The following CCDC138 variants were observed in gnomAD, a reference collection of about 807,000 sequenced individuals.
CCDC138 encodes coiled-coil domain-containing protein 138.
Under a neutral mutation model 82.3 loss-of-function variants are expected in CCDC138, and 66 were observed. The observed-to-expected ratio is 0.80, with a 90% CI of 0.66 to 0.98. The LOEUF (loss-of-function observed/expected upper bound fraction) is 0.98, where lower values mean the gene tolerates loss of function less well. CCDC138 is among the 50% of genes least tolerant of loss of function. CCDC138 has a pLI of 0.00. For synonymous variants in CCDC138, 297 were observed against 265.4 expected, an observed-to-expected ratio of 1.12 and a Z score of -1.16; for missense variants, 816 against 758.9, an observed-to-expected ratio of 1.08 and a Z score of -0.88.
intron 13 of CCDC138, among the ~76,000 whole-genome samples, chr2:108,862,082 T>TG (rs1351490027): frequency 6.6e-6 from 1 of 151,280 alleles, no homozygotes; most frequent in African/African-American, 2.4e-5. Context: ...TTTCAGTTTT[T>TG]TTTTTTTTTA....
intron 10 of CCDC138, 48 bp from the exon 11 acceptor site, chr2:108,839,137 T>C: frequency 6.5e-7 from 1 of 1,531,390 alleles, no homozygotes; most frequent in South Asian, 1.3e-5. Context: ...TTTAAGACAT[T>C]TAAAAATACT....
At chr2:108,875,817 C>T (rs998355675) in intron 14 of CCDC138, among the ~76,000 whole-genome samples, 2 of 152,160 alleles carry the variant, frequency 1.3e-5, no homozygotes, top group African/African-American at 2.4e-5. Context: ...TGTGTTCATG[C>T]CACTGCACTC....
At chr2:108,828,575 G>A (rs1216029785) in intron 10 of CCDC138, among the ~76,000 whole-genome samples, 7 of 152,202 alleles carry the variant, frequency 4.6e-5, no homozygotes, top group South Asian at 2.1e-4. Context: ...TTTGACAAGC[G>A]TACGGAGACC....
intron 10 of CCDC138, among the ~76,000 whole-genome samples, chr2:108,833,094 G>A (rs1015018815): frequency 5.3e-5 from 8 of 152,224 alleles, no homozygotes; most frequent in African/African-American, 1.7e-4. Context: ...GAGATCAGTA[G>A]CTGCCAGGGG....
chr2:108,816,412 C>T (rs1684816950), intron 10 of CCDC138, among the ~76,000 whole-genome samples: 1 of 151,990 alleles, frequency 6.6e-6, no homozygotes. Context: ...GATTGCAGCA[C>T]TGCACTCCAG....
intron 9 of CCDC138, among the ~76,000 whole-genome samples, chr2:108,815,660 C>A (rs1018505528): frequency 1.3e-5 from 2 of 151,626 alleles, no homozygotes; most frequent in Non-Finnish European, 2.9e-5. Context: ...ACAGGTTTTG[C>A]CATGTTGGAC....
intron 11 of CCDC138, among the ~76,000 whole-genome samples, chr2:108,840,860 G>A (rs1689347366): frequency 1.3e-5 from 2 of 150,698 alleles, no homozygotes; most frequent in South Asian, 2.1e-4. Context: ...TACCTAGGCT[G>A]GAATTCACTG....
At chr2:108,821,068 T>C (rs1022579982) in intron 10 of CCDC138, among the ~76,000 whole-genome samples, 8 of 152,056 alleles carry the variant, frequency 5.3e-5, no homozygotes, top group African/African-American at 1.4e-4. Context: ...TATAAAGATA[T>C]AATTTGTGGC....
intron 10 of CCDC138, among the ~76,000 whole-genome samples, chr2:108,825,011 T>C (rs1686320168): frequency 6.6e-6 from 1 of 152,200 alleles, no homozygotes; most frequent in Non-Finnish European, 1.5e-5. Context: ...ACTAGACATA[T>C]GTATGGAAGA....
chr2:108,813,627 A>G (rs186112274), intron 9 of CCDC138, among the ~76,000 whole-genome samples: 10 of 152,328 alleles, frequency 6.6e-5, no homozygotes, highest in African/African-American at 1.9e-4. Context: ...AAAATTTGAG[A>G]TATAAATTAC....
At chr2:108,815,472 T>G (rs193190948) in intron 9 of CCDC138, among the ~76,000 whole-genome samples, 1 of 138,696 alleles carries the variant, frequency 7.2e-6, no homozygotes, top group East Asian at 2.1e-4. Context: ...TTTTTTTTTT[T>G]TTTTTTTTTT....
At chr2:108,837,196 A>G (rs527731154) in intron 10 of CCDC138, among the ~76,000 whole-genome samples, 11 of 152,146 alleles carry the variant, frequency 7.2e-5, no homozygotes, top group Non-Finnish European at 1.2e-4. Context: ...CCTTTATTAT[A>G]TCGAGGTGGT....
chr2:108,817,718 TCC>T (rs1373495806), intron 10 of CCDC138, among the ~76,000 whole-genome samples: 1 of 152,160 alleles, frequency 6.6e-6, no homozygotes, highest in African/African-American at 2.4e-5. Flanking sequence ...AAATGGATCC[TCC>T]CTTAGCCTCC....
intron 6 of CCDC138, among the ~76,000 whole-genome samples, chr2:108,799,556 T>C (rs973145524): frequency 6.6e-6 from 1 of 152,218 alleles, no homozygotes; most frequent in African/African-American, 2.4e-5. Context: ...ATTTTATGAT[T>C]TTTCTTTATC....
intron 10 of CCDC138, among the ~76,000 whole-genome samples, chr2:108,820,391 G>A (rs1359584615): frequency 1.3e-5 from 2 of 152,030 alleles, no homozygotes; most frequent in Non-Finnish European, 2.9e-5. Flanking sequence ...GAAGAGAGAA[G>A]GAGAAGGAGG....
At chr2:108,883,526 G>C (rs11682896) in intron 2 of CCDC138, 110,760 of 152,204 alleles carry the variant, frequency 0.73, 43,092 homozygotes, top group East Asian at 0.95. Context: ...TCCCAGGGTT[G>C]GCATGTTTGC....
chr2:108,843,198 C>G (rs1177334709), intron 11 of CCDC138, among the ~76,000 whole-genome samples: 1 of 152,138 alleles, frequency 6.6e-6, no homozygotes, highest in Non-Finnish European at 1.5e-5. Context: ...CACTCTGCTG[C>G]CCAGGCTAGA....
chr2:108,859,728 T>G (rs1693251193), intron 13 of CCDC138, among the ~76,000 whole-genome samples: 1 of 152,208 alleles, frequency 6.6e-6, no homozygotes, highest in Non-Finnish European at 1.5e-5. Flanking sequence ...TGAAGTCAGA[T>G]AACATGATGC....
At chr2:108,802,762 G>A (rs1334245397) in intron 6 of CCDC138, among the ~76,000 whole-genome samples, 1 of 150,880 alleles carries the variant, frequency 6.6e-6, no homozygotes, top group African/African-American at 2.4e-5. Flanking sequence ...TATCGGCTGT[G>A]GGTTTGTCAT....
Sources: allele counts gnomAD v4.1 joint callset (sites outside exome capture counted in the v4.1 genomes callset), GRCh38; gene constraint gnomAD v4.1.1; transcripts MANE v1.5; gene names NCBI Gene and HGNC (gene_info 2026-07-23, HGNC 2026-07-21).